Variants in CSMD1 observed in about 807,000 individuals in gnomAD.
CSMD1 encodes the protein CUB and Sushi multiple domains 1.
In CSMD1, 213 loss-of-function variants were observed where a neutral mutation model predicts 417.5. That is an observed-to-expected ratio of 0.51 (90% CI 0.46 to 0.57). CSMD1 has a LOEUF of 0.57. Ranked by LOEUF, CSMD1 falls within the 20% of genes least tolerant of loss-of-function variation. The pLI is 0.00. For synonymous variants in CSMD1, 2,862 were observed against 1,736.8 expected (o/e 1.65, Z -16.11); for missense variants, 6,923 against 4,529.7 (o/e 1.53, Z -15.17).
At chr8:3,944,005 T>G (rs11136683) in intron 5 of CSMD1, among the ~76,000 whole-genome samples, 1 of 152,050 alleles carries the variant, frequency 6.6e-6, no homozygotes, top group African/African-American at 2.4e-5. Flanking sequence ...AGTTAATATA[T>G]TGACTTTAAT....
Position 4,160,637 on chromosome 8 carries a change from G to C in CSMD1, c.416-128538C>G, listed in dbSNP as rs78117657. Among the ~76,000 whole-genome samples, 56 of 152,322 alleles carry C rather than the reference G, an allele frequency of 3.7e-4. 1 individual carries two copies. The East Asian group carries it at 6.2e-3, about 17-fold the overall frequency. On this transcript the variant is annotated intron_variant, in intron 3 of 69. Coordinates refer to ENST00000635120, the MANE Select transcript of CSMD1 (RefSeq NM_033225.6). ...TCCCCACTTTCTTGCAGACACTCTG[G>C]AAGTCTTTGTACTTGTGTGTGCACA...
intron 10 of CSMD1, among the ~76,000 whole-genome samples, chr8:3,539,111 C>G (rs1247014742): frequency 1.3e-5 from 2 of 152,182 alleles, no homozygotes; most frequent in Non-Finnish European, 2.9e-5. Context: ...TTCCCTGCAC[C>G]CGCGGATAGC....
At chr8:3,010,857 C>T (rs1253719219) in intron 52 of CSMD1, among the ~76,000 whole-genome samples, 4 of 151,784 alleles carry the variant, frequency 2.6e-5, no homozygotes, top group Non-Finnish European at 5.9e-5. Context: ...GATTCTCCTG[C>T]CTCAGCTTCC....
intron 5 of CSMD1, among the ~76,000 whole-genome samples, chr8:3,964,628 G>T (rs747431495): frequency 6.6e-6 from 1 of 152,128 alleles, no homozygotes; most frequent in South Asian, 2.1e-4. Flanking sequence ...TAGTTGCAAA[G>T]AAATATTTAA....
intron 3 of CSMD1, among the ~76,000 whole-genome samples, chr8:4,261,179 A>C (rs941829253): frequency 6.6e-6 from 1 of 152,182 alleles, no homozygotes; most frequent in African/African-American, 2.4e-5. Context: ...TCTGCTAAAT[A>C]ATCATGATTA....
intron 10 of CSMD1, among the ~76,000 whole-genome samples, chr8:3,542,479 C>A (rs949721973): frequency 8.5e-5 from 13 of 152,160 alleles, no homozygotes; most frequent in Admixed American, 3.9e-4. Context: ...CTTTCTTTCT[C>A]AGGCAGGGAA....
chr8:4,915,850 C>G (rs748961256), intron 1 of CSMD1, among the ~76,000 whole-genome samples: 1 of 152,202 alleles, frequency 6.6e-6, no homozygotes, highest in Non-Finnish European at 1.5e-5. Context: ...TGGCATCCTG[C>G]CTATTTCAAA....
At chr8:3,347,180 G>C (rs545927590) in intron 22 of CSMD1, among the ~76,000 whole-genome samples, 1 of 152,360 alleles carries the variant, frequency 6.6e-6, no homozygotes, top group African/African-American at 2.4e-5. Flanking sequence ...TGTGGGCCGC[G>C]GGTTGGACAA....
chr8:4,739,577 T>A (rs1810465814), intron 1 of CSMD1, among the ~76,000 whole-genome samples: 2 of 152,198 alleles, frequency 1.3e-5, no homozygotes, highest in African/African-American at 4.8e-5. Context: ...TGACTCTAAA[T>A]GAGAACAGGT....
At chr8:3,899,634 T>C (rs1807597720) in intron 5 of CSMD1, among the ~76,000 whole-genome samples, 1 of 152,108 alleles carries the variant, frequency 6.6e-6, no homozygotes, top group Non-Finnish European at 1.5e-5. Context: ...GAGGAAAAGG[T>C]TTTGGAGGCT....
intron 5 of CSMD1, among the ~76,000 whole-genome samples, chr8:3,979,305 C>T (rs888028728): frequency 6.6e-6 from 1 of 152,148 alleles, no homozygotes; most frequent in Non-Finnish European, 1.5e-5. Flanking sequence ...GATGTAGTAA[C>T]AGAGGTGTGA....
chr8:4,090,887 A>C (rs920879950), intron 3 of CSMD1, among the ~76,000 whole-genome samples: 1 of 151,950 alleles, frequency 6.6e-6, no homozygotes, highest in Admixed American at 6.6e-5. Flanking sequence ...TGCTGTCTAC[A>C]TTATTAGTAA....
At chr8:3,918,531 T>G (rs935294548) in intron 5 of CSMD1, among the ~76,000 whole-genome samples, 1 of 152,140 alleles carries the variant, frequency 6.6e-6, no homozygotes, top group African/African-American at 2.4e-5. Context: ...CATTTTTAAT[T>G]TTTAATTTGT....
intron 3 of CSMD1, among the ~76,000 whole-genome samples, chr8:4,252,057 T>C (rs1348184824): frequency 6.6e-6 from 1 of 152,050 alleles, no homozygotes; most frequent in East Asian, 1.9e-4. Context: ...GCACAGAAGA[T>C]CATTCCCAGA....
intron 3 of CSMD1, among the ~76,000 whole-genome samples, chr8:4,037,275 G>A (rs368428604): frequency 1.3e-5 from 2 of 152,132 alleles, no homozygotes; most frequent in Non-Finnish European, 2.9e-5. Flanking sequence ...CAATTAACCT[G>A]TGGGAAAATT....
intron 1 of CSMD1, among the ~76,000 whole-genome samples, chr8:4,884,278 T>C (rs969358406): frequency 6.6e-6 from 1 of 152,006 alleles, no homozygotes; most frequent in Non-Finnish European, 1.5e-5. Flanking sequence ...GTTACAAGTA[T>C]CTTACCAGAT....
chr8:4,894,659 T>G (rs1804359072), intron 1 of CSMD1, among the ~76,000 whole-genome samples: 1 of 151,974 alleles, frequency 6.6e-6, no homozygotes, highest in African/African-American at 2.4e-5. Context: ...GGGATTTTAA[T>G]GTGTTTCATT....
chr8:4,120,203 T>G (rs13279427), intron 3 of CSMD1, among the ~76,000 whole-genome samples: 7 of 152,162 alleles, frequency 4.6e-5, no homozygotes, highest in Admixed American at 1.3e-4. Flanking sequence ...TCCACAAAAT[T>G]TAAAATAAAA....
chr8:3,308,700 C>T (rs1014690541), intron 23 of CSMD1, among the ~76,000 whole-genome samples, 197 bp from the exon 24 acceptor site: 14 of 143,682 alleles, frequency 9.7e-5, no homozygotes, highest in African/African-American at 2.4e-4. Flanking sequence ...TCTTGAAGTT[C>T]GGTCATCTTA....
Sources: gnomAD v4.1 joint callset for allele counts (sites outside exome capture counted in the v4.1 genomes callset) on GRCh38, gnomAD v4.1.1 for gene constraint, MANE v1.5 for transcripts, NCBI Gene and HGNC (gene_info 2026-07-23, HGNC 2026-07-21) for gene names.